The following VAV3 variants were observed in gnomAD, a reference collection of about 807,000 sequenced individuals.
The protein encoded by VAV3 is guanine nucleotide exchange factor VAV3.
Under a neutral mutation model 131.2 loss-of-function variants are expected in VAV3, and 94 were observed. That is an observed-to-expected ratio of 0.72 (90% confidence interval 0.61 to 0.85). The LOEUF is 0.85. VAV3 is among the 40% of genes least tolerant of loss of function. VAV3 has a pLI of 0.00. For synonymous variants in VAV3, 349 were observed against 342.0 expected, an observed-to-expected ratio of 1.02 and a Z score of -0.22; for missense variants, 939 against 1,002.7, an observed-to-expected ratio of 0.94 and a Z score of 0.86.
chr1:107,778,186 T>C (rs995241221), intron 3 of VAV3, among the ~76,000 whole-genome samples: 2 of 152,236 alleles, frequency 1.3e-5, no homozygotes, highest in Admixed American at 6.5e-5. Flanking sequence ...GAGTTTCACA[T>C]TGACTTATGG....
Position 107,964,883 on chromosome 1 carries a change from G to A in VAV3, c.-14C>T, listed in dbSNP as rs767098078. 9.9e-6 allele frequency: 15 copies of A among 1,508,600 alleles called. 1 individual carries two copies. Among genetic ancestry groups the A allele is most frequent in the Middle Eastern group, 1.9e-4 (1 of 5,398 alleles). The allele number at this position is 1,508,600 out of a possible 1,614,324, so 93.5% of individuals were successfully genotyped here. A position where few individuals can be genotyped will look rare whatever the true frequency, so the allele number is the denominator to read the frequency against. Reference sequence around the variant, plus strand: ...CCACGGCTCCATGCCCGACGGCTCCGGGACGCGGCTGGGCCGGGGCGGGCG... The same window carrying A: ...CCACGGCTCCATGCCCGACGGCTCCAGGACGCGGCTGGGCCGGGGCGGGCG... On this transcript the variant is annotated 5_prime_UTR_variant, in exon 1 of 27. Transcript: ENST00000370056.
At chr1:107,890,139 A>G (rs1156415550) in intron 1 of VAV3, among the ~76,000 whole-genome samples, 1 of 152,170 alleles carries the variant, frequency 6.6e-6, no homozygotes, top group Non-Finnish European at 1.5e-5. Context: ...CACTAAAATC[A>G]CCGTATCAGC....
chr1:107,864,163 A>T (rs375869134), intron 2 of VAV3, among the ~76,000 whole-genome samples: 4 of 152,364 alleles, frequency 2.6e-5, no homozygotes, highest in African/African-American at 9.6e-5. Context: ...AATGCAATGT[A>T]TACATATTAC....
chr1:107,589,421 A>ACTGG (rs1650766070), intron 25 of VAV3, among the ~76,000 whole-genome samples: 1 of 152,212 alleles, frequency 6.6e-6, no homozygotes, highest in Admixed American at 6.5e-5. Flanking sequence ...CGGTGCATCT[A>ACTGG]TAAACCAAGC....
chr1:107,761,691 A>AT (rs1664441341), intron 9 of VAV3, among the ~76,000 whole-genome samples: 2 of 152,208 alleles, frequency 1.3e-5, no homozygotes, highest in Admixed American at 1.3e-4. Flanking sequence ...AACAATTACA[A>AT]TCACAATTGG....
chr1:107,749,034 C>G lies in VAV3; in HGVS notation c.1436G>C (p.Gly479Ala). 1 of 1,612,288 alleles carries G rather than the reference C, an allele frequency of 6.2e-7. No homozygotes were observed. Among genetic ancestry groups the G allele is most frequent in the East Asian group, 2.2e-5 (1 of 44,728 alleles). ...TTTTGTTTTGCAATAAAATTCTAAC[C>G]CATTTTGTCCTTGGGTATGGATGAG... ...FYLIHTQGQN[G>A]LEFYCKTKDL... Residue 479 changes from glycine to alanine, a missense_variant, in exon 15 of 27, where the codon GGG becomes GCG. Coordinates refer to ENST00000370056, the MANE Select transcript of VAV3 (RefSeq NM_006113.5).
intron 1 of VAV3, among the ~76,000 whole-genome samples, chr1:107,898,915 A>C (rs1051098702): frequency 6.6e-6 from 1 of 152,226 alleles, no homozygotes; most frequent in African/African-American, 2.4e-5. Flanking sequence ...TCTCAGTCTA[A>C]GAAAGGGATA....
intron 21 of VAV3, among the ~76,000 whole-genome samples, chr1:107,615,315 G>T (rs188132283): frequency 3.9e-5 from 6 of 152,208 alleles, no homozygotes; most frequent in African/African-American, 1.2e-4. Context: ...AATTAACACA[G>T]GAAAGGAAAA....
chr1:107,929,307 A>AT (rs59791582), intron 1 of VAV3, among the ~76,000 whole-genome samples: 47,667 of 144,148 alleles, frequency 0.33, 9,472 homozygotes, highest in Middle Eastern at 0.54. Context: ...AAAAAAAAAA[A>AT]TTATGCCCTA....
chr1:107,750,913 T>C lies in VAV3; in HGVS notation c.1259+204A>G, dbSNP rs145794801. On this transcript the variant is annotated intron_variant, in intron 13 of 26. Coordinates refer to ENST00000370056, the MANE Select transcript of VAV3 (RefSeq NM_006113.5). ...ACTTGTTACTTCCTTCTTAATAACT[T>C]AGACAAACTAATAGATACCAGAACC... Among the ~76,000 whole-genome samples, 110 of 152,346 alleles carry C rather than the reference T, an allele frequency of 7.2e-4. 3 individuals carry two copies. The South Asian group carries it at 0.022, about 30-fold the overall frequency.
intron 2 of VAV3, among the ~76,000 whole-genome samples, chr1:107,843,774 G>A (rs934668606): frequency 2.0e-4 from 30 of 152,054 alleles, no homozygotes; most frequent in African/African-American, 7.2e-4. Flanking sequence ...CATTTTTGGG[G>A]GAGTCTTTTG....
intron 25 of VAV3, among the ~76,000 whole-genome samples, chr1:107,583,205 T>C (rs1570557379): frequency 1.3e-5 from 2 of 152,300 alleles, no homozygotes; most frequent in Admixed American, 1.3e-4. Context: ...GCTGCATAAA[T>C]GTCTTCTTTT....
chr1:107,636,440 T>C (rs551907561), intron 20 of VAV3, among the ~76,000 whole-genome samples: 74 of 152,330 alleles, frequency 4.9e-4, no homozygotes, highest in South Asian at 4.2e-3. Context: ...AATGGGGTTA[T>C]GCCCTGATAA....
intron 25 of VAV3, among the ~76,000 whole-genome samples, chr1:107,587,163 A>G (rs1476811115): frequency 6.6e-6 from 1 of 152,212 alleles, no homozygotes; most frequent in Admixed American, 6.5e-5. Context: ...TATAGTATTT[A>G]ATGCAAGCAG....
intron 1 of VAV3, among the ~76,000 whole-genome samples, chr1:107,896,420 T>C (rs923836040): frequency 2.0e-5 from 3 of 151,858 alleles, no homozygotes; most frequent in Non-Finnish European, 4.4e-5. Context: ...CAACTTGATA[T>C]CTAAAATGCC....
chr1:107,903,054 T>G (rs746267733), intron 1 of VAV3, among the ~76,000 whole-genome samples: 1 of 152,114 alleles, frequency 6.6e-6, no homozygotes, highest in African/African-American at 2.4e-5. Flanking sequence ...GGGCTTGAAA[T>G]GTATCTCCAG....
intron 19 of VAV3, among the ~76,000 whole-genome samples, chr1:107,644,083 C>G (rs1460814270): frequency 6.6e-6 from 1 of 152,124 alleles, no homozygotes; most frequent in Non-Finnish European, 1.5e-5. Context: ...CTAACACCAA[C>G]AGCAGATTTC....
At chr1:107,715,509 T>A (rs554233687) in intron 15 of VAV3, among the ~76,000 whole-genome samples, 161 of 152,310 alleles carry the variant, frequency 1.1e-3, no homozygotes, top group African/African-American at 3.8e-3. Context: ...TGGCTTATAA[T>A]ACACTTAGTC....
chr1:107,771,410 G>T (rs552538102), intron 5 of VAV3, among the ~76,000 whole-genome samples: 1 of 152,012 alleles, frequency 6.6e-6, no homozygotes, highest in Non-Finnish European at 1.5e-5. Context: ...CCGCCGCCAC[G>T]CCCAGCTAAT....
Sources: allele counts gnomAD v4.1 joint callset (sites outside exome capture counted in the v4.1 genomes callset), GRCh38; gene constraint gnomAD v4.1.1; transcripts MANE v1.5; gene names NCBI Gene and HGNC (gene_info 2026-07-23, HGNC 2026-07-21).